RIC1: variants seen among roughly 807,000 people sequenced by gnomAD.
The protein encoded by RIC1 is RIC1 partner of RAB6A GEF complex.
RIC1 carries 88 observed loss-of-function variants against 169.0 expected under a neutral mutation model. That is an observed-to-expected ratio of 0.52 (90% CI 0.44 to 0.62). The LOEUF (loss-of-function observed/expected upper bound fraction) is 0.62, where lower values mean the gene tolerates loss of function less well. Among genes scored for constraint, RIC1 ranks in the 20% least tolerant of loss-of-function variants. The pLI is 0.00. For missense variants in RIC1, 1,877 were observed against 1,725.5 expected (o/e 1.09, Z -1.56); for synonymous variants, 790 against 601.5 (o/e 1.31, Z -4.59).
intron 7 of RIC1, among the ~76,000 whole-genome samples, chr9:5,735,313 G>A (rs1441509063): frequency 6.6e-6 from 1 of 152,188 alleles, no homozygotes; most frequent in Non-Finnish European, 1.5e-5. Flanking sequence ...CATCAGGCAT[G>A]GAAAAGTATT....
chr9:5,722,231 A>T, intron 6 of RIC1, among the ~76,000 whole-genome samples: 1 of 139,890 alleles, frequency 7.1e-6, no homozygotes, highest in African/African-American at 2.7e-5. Context: ...CCACAGTACC[A>T]CAAAACAATT....
intron 9 of RIC1, 137 bp downstream of exon 9, chr9:5,743,150 T>C (rs1003166582): frequency 8.5e-6 from 6 of 703,618 alleles, no homozygotes; most frequent in African/African-American, 7.2e-5. Context: ...TCATAATCTG[T>C]TCGAATATAC....
chr9:5,778,445 T>G (rs949525953), downstream of RIC1, among the ~76,000 whole-genome samples: 1 of 152,200 alleles, frequency 6.6e-6, no homozygotes, highest in African/African-American at 2.4e-5. Flanking sequence ...TAGGTGGCAA[T>G]AGTGGATATC....
In RIC1 at chr9:5,732,425, G is replaced by A; in HGVS notation, c.758G>A (p.Gly253Glu). 4.3e-6 allele frequency: 7 copies of A among 1,611,810 alleles called. No individual in the cohort carries two copies. Among genetic ancestry groups the A allele is most frequent in the Non-Finnish European group, 5.9e-6 (7 of 1,178,904 alleles). ...HGVWPQDVVD[G>E]TCVAVNNKYR... Reference sequence around the variant, plus strand: ...GTTTGGCCACAAGATGTTGTTGACGGAACGTGTGTAGCAGTAAATAACAAG... The same window carrying A: ...GTTTGGCCACAAGATGTTGTTGACGAAACGTGTGTAGCAGTAAATAACAAG... The change falls in exon 7 of 26, where the codon GGA becomes GAA. Residue 253 changes from glycine to glutamate, a missense_variant. By Grantham distance (98) the Gly-to-Glu change is moderately conservative (BLOSUM62 -2). This residue lies in a region of RIC1 where 1,104 missense variants were observed against 992.0 expected (regional missense o/e 1.11). Transcript: ENST00000414202.
chr9:5,701,577 G>C (rs1822222957), intron 3 of RIC1, among the ~76,000 whole-genome samples: 1 of 145,934 alleles, frequency 6.9e-6, no homozygotes. Flanking sequence ...CTGGGTGACA[G>C]AGCAAGACTC....
intron 7 of RIC1, among the ~76,000 whole-genome samples, chr9:5,735,494 T>C (rs1824643905): frequency 6.6e-6 from 1 of 152,204 alleles, no homozygotes; most frequent in African/African-American, 2.4e-5. Context: ...ATAATGTAGG[T>C]AGACTCTTGG....
chr9:5,639,954 C>T (rs1818160045), intron 1 of RIC1, among the ~76,000 whole-genome samples: 1 of 152,142 alleles, frequency 6.6e-6, no homozygotes. Flanking sequence ...TCAGTCTATG[C>T]ATACCTTTGT....
At chr9:5,728,979 C>G (rs1824184242) in intron 6 of RIC1, among the ~76,000 whole-genome samples, 1 of 152,084 alleles carries the variant, frequency 6.6e-6, no homozygotes, top group South Asian at 2.1e-4. Context: ...CTTGGGGGTC[C>G]TCCTACCTTT....
At chr9:5,653,897 G>A (rs1818943373) in intron 1 of RIC1, among the ~76,000 whole-genome samples, 1 of 152,116 alleles carries the variant, frequency 6.6e-6, no homozygotes, top group South Asian at 2.1e-4. Context: ...CACCCAGCCT[G>A]TCTCCATTTA....
chr9:5,721,501 G>A (rs186777787), intron 6 of RIC1, among the ~76,000 whole-genome samples: 32 of 152,314 alleles, frequency 2.1e-4, no homozygotes, highest in East Asian at 7.7e-4. Context: ...TGAACAAGGC[G>A]TGAACTTAAC....
At chr9:5,656,465 ATTGTC>A in intron 1 of RIC1, 113 bp from the exon 2 acceptor site, 1 of 518,818 alleles carries the variant, frequency 1.9e-6, no homozygotes, top group Non-Finnish European at 3.4e-6. Flanking sequence ...TAATATCAAT[ATTGTC>A]TTTTATTTTA....
intron 6 of RIC1, among the ~76,000 whole-genome samples, chr9:5,723,198 C>G (rs916997181): frequency 1.3e-5 from 2 of 152,208 alleles, no homozygotes; most frequent in African/African-American, 4.8e-5. Context: ...TCCTATTTCT[C>G]CACATCCTCT....
chr9:5,688,197 T>C (rs1821367189), intron 2 of RIC1, among the ~76,000 whole-genome samples: 1 of 152,204 alleles, frequency 6.6e-6, no homozygotes, highest in Non-Finnish European at 1.5e-5. Flanking sequence ...GATTGGTTGA[T>C]TTTTCATTAT....
At chr9:5,647,287 T>G (rs1489028598) in intron 1 of RIC1, among the ~76,000 whole-genome samples, 1 of 152,202 alleles carries the variant, frequency 6.6e-6, no homozygotes, top group Admixed American at 6.5e-5. Context: ...GTTTTGTCTA[T>G]TCGAGGTCTC....
intron 1 of RIC1, among the ~76,000 whole-genome samples, chr9:5,647,968 G>GTGGTGA (rs1357525329): frequency 1.5e-5 from 2 of 134,860 alleles, no homozygotes; most frequent in Non-Finnish European, 3.1e-5. Flanking sequence ...GGTGGTGGTG[G>GTGGTGA]TGGTGATGGT....
intron 1 of RIC1, among the ~76,000 whole-genome samples, chr9:5,642,880 A>G (rs566158296): frequency 1.2e-4 from 19 of 152,266 alleles, no homozygotes; most frequent in African/African-American, 4.3e-4. Flanking sequence ...TTCTCATACT[A>G]CCTATTCATT....
intron 3 of RIC1, among the ~76,000 whole-genome samples, chr9:5,702,040 G>T (rs1424542291): frequency 6.6e-6 from 1 of 152,124 alleles, no homozygotes; most frequent in Non-Finnish European, 1.5e-5. Flanking sequence ...TTGGTTTTGG[G>T]CTATATACAA....
intron 8 of RIC1, 47 bp downstream of exon 8, chr9:5,738,585 G>C: frequency 8.8e-7 from 1 of 1,131,484 alleles, no homozygotes; most frequent in South Asian, 1.6e-5. Context: ...TAATGTACTG[G>C]TATTGCCATT....
At chr9:5,688,572 G>T (rs1821395152) in intron 2 of RIC1, among the ~76,000 whole-genome samples, 1 of 152,086 alleles carries the variant, frequency 6.6e-6, no homozygotes, top group African/African-American at 2.4e-5. Flanking sequence ...GAATTAGAAA[G>T]ATGATCTTAT....
Sources: allele counts gnomAD v4.1 joint callset (sites outside exome capture counted in the v4.1 genomes callset), GRCh38; gene constraint gnomAD v4.1.1; regional missense constraint gnomAD v4.1.1; transcripts MANE v1.5; gene names NCBI Gene and HGNC (gene_info 2026-07-23, HGNC 2026-07-21).